Variants in PTPRT observed in about 807,000 individuals in gnomAD.
PTPRT encodes the protein receptor-type tyrosine-protein phosphatase T.
PTPRT carries 56 observed loss-of-function variants against 176.8 expected under a neutral mutation model. The ratio of observed to expected loss-of-function variants is 0.32; its 90% CI spans 0.26 to 0.40. PTPRT has a LOEUF of 0.40. Ranked by LOEUF, PTPRT falls within the 10% of genes least tolerant of loss-of-function variation. The pLI is 1.00. For missense variants in PTPRT, 1,540 were observed against 1,908.2 expected, an observed-to-expected ratio of 0.81 and a Z score of 3.60; for synonymous variants, 783 against 739.0, an observed-to-expected ratio of 1.06 and a Z score of -0.96.
At chr20:42,964,617 C>A (rs1261412579) in intron 1 of PTPRT, among the ~76,000 whole-genome samples, 1 of 152,094 alleles carries the variant, frequency 6.6e-6, no homozygotes, top group African/African-American at 2.4e-5. Context: ...ATAAGGAAGT[C>A]ATGACTAATA....
chr20:43,134,391 A>G (rs1568804910), intron 1 of PTPRT, among the ~76,000 whole-genome samples: 1 of 152,082 alleles, frequency 6.6e-6, no homozygotes, highest in Non-Finnish European at 1.5e-5. Flanking sequence ...TTGCTCTCTG[A>G]TCTCCCTCAC....
At chr20:42,441,113 C>T (rs1024705957) in intron 9 of PTPRT, among the ~76,000 whole-genome samples, 10 of 152,212 alleles carry the variant, frequency 6.6e-5, no homozygotes, top group African/African-American at 2.4e-4. Context: ...TTCACCAATA[C>T]AGGACCCATA....
At chr20:42,953,664 C>T (rs1292630802) in intron 1 of PTPRT, among the ~76,000 whole-genome samples, 1 of 152,170 alleles carries the variant, frequency 6.6e-6, no homozygotes, top group Non-Finnish European at 1.5e-5. Flanking sequence ...AGCTGCCCAG[C>T]CCGTGGAGAA....
intron 7 of PTPRT, among the ~76,000 whole-genome samples, chr20:42,607,177 A>T (rs13038923): frequency 7.4e-6 from 1 of 135,374 alleles, no homozygotes; most frequent in Non-Finnish European, 1.8e-5. Flanking sequence ...GGTGGCTACC[A>T]GGGGGTGGGA....
intron 6 of PTPRT, among the ~76,000 whole-genome samples, chr20:42,697,355 C>G (rs2075897514): frequency 6.6e-6 from 1 of 152,282 alleles, no homozygotes; most frequent in South Asian, 2.1e-4. Context: ...TTTGGTTAAC[C>G]CAGTGTTTTA....
At chr20:42,319,777 A>T (rs2057773737) in intron 11 of PTPRT, among the ~76,000 whole-genome samples, 1 of 152,218 alleles carries the variant, frequency 6.6e-6, no homozygotes, top group Admixed American at 6.5e-5. Context: ...TCTTGAGAAT[A>T]CATTTATCTA....
chr20:42,160,393 A>G (rs1989538568), intron 17 of PTPRT, among the ~76,000 whole-genome samples: 1 of 152,054 alleles, frequency 6.6e-6, no homozygotes. Flanking sequence ...TTTTCCTTTT[A>G]TTTTATTTTG....
At chr20:43,187,242 A>G (rs2015415615) in intron 1 of PTPRT, among the ~76,000 whole-genome samples, 1 of 152,246 alleles carries the variant, frequency 6.6e-6, no homozygotes, top group Non-Finnish European at 1.5e-5. Flanking sequence ...GGGAATTTTC[A>G]GATCAAAAGA....
chr20:42,096,901 C>T (rs1985316882), intron 27 of PTPRT, among the ~76,000 whole-genome samples: 1 of 151,824 alleles, frequency 6.6e-6, no homozygotes, highest in African/African-American at 2.4e-5. Flanking sequence ...CTAACAGGAA[C>T]CCTGGCTGTG....
At chr20:43,025,550 A>G (rs1985876041) in intron 1 of PTPRT, among the ~76,000 whole-genome samples, 1 of 152,228 alleles carries the variant, frequency 6.6e-6, no homozygotes. Context: ...GGAAAAAATC[A>G]TCACTCAGGG....
At chr20:42,760,318 G>T (rs4812644) in intron 5 of PTPRT, among the ~76,000 whole-genome samples, 81,109 of 151,088 alleles carry the variant, frequency 0.54, 22,864 homozygotes, top group South Asian at 0.67. Context: ...TTATACGTTG[G>T]GTTTCCTGAA....
In PTPRT at chr20:42,746,348, A is replaced by G. The variant is rs61525757; in HGVS notation, c.859+10114T>C. On this transcript the variant is annotated intron_variant, in intron 6 of 30. Transcript: ENST00000373187. ...AAAAAGCTAATGGTGACGTTATCAA[A>G]GAGTGAAGGAGTCAGAGGCTAAGGG... 7.4e-3 allele frequency among the ~76,000 whole-genome samples: 1,129 copies of G among 152,334 alleles called. 16 individuals carry two copies. The highest frequency in any genetic ancestry group is 0.026 in the African/African-American group (1,085 of 41,578).
chr20:42,249,984 C>A (rs529442932), intron 13 of PTPRT, among the ~76,000 whole-genome samples: 1 of 152,300 alleles, frequency 6.6e-6, no homozygotes, highest in South Asian at 2.1e-4. Context: ...CTTCCTAACT[C>A]ATTCCTTCTT....
intron 7 of PTPRT, among the ~76,000 whole-genome samples, chr20:42,589,462 T>C (rs1008634026): frequency 2.6e-5 from 4 of 152,218 alleles, no homozygotes; most frequent in African/African-American, 7.2e-5. Flanking sequence ...AAATCCCACA[T>C]TTCAGCAGAA....
At chr20:42,353,896 G>A (rs550838813) in intron 9 of PTPRT, among the ~76,000 whole-genome samples, 10 of 152,116 alleles carry the variant, frequency 6.6e-5, no homozygotes, top group African/African-American at 1.9e-4. Flanking sequence ...TATCTACAAA[G>A]TATTAAAAAA....
chr20:42,793,996 C>G (rs908540979), intron 2 of PTPRT, among the ~76,000 whole-genome samples: 1 of 152,160 alleles, frequency 6.6e-6, no homozygotes, highest in African/African-American at 2.4e-5. Context: ...ACGCCACGGG[C>G]TCATGTACCC....
At chr20:43,071,769 G>A (rs780642834) in intron 1 of PTPRT, among the ~76,000 whole-genome samples, 6 of 152,202 alleles carry the variant, frequency 3.9e-5, no homozygotes, top group Non-Finnish European at 5.9e-5. Context: ...TGGGCAACAA[G>A]AGCAAAACTC....
At chr20:42,407,806 C>A (rs2058975915) in intron 9 of PTPRT, among the ~76,000 whole-genome samples, 1 of 151,944 alleles carries the variant, frequency 6.6e-6, no homozygotes, top group East Asian at 1.9e-4. Flanking sequence ...TATCCAGGAG[C>A]TGATAATTTG....
intron 7 of PTPRT, among the ~76,000 whole-genome samples, chr20:42,512,077 TC>T (rs1295282450): frequency 6.6e-6 from 1 of 152,160 alleles, no homozygotes; most frequent in African/African-American, 2.4e-5. Flanking sequence ...GATGCAACCT[TC>T]TAAAGATATT....
Sources: allele counts gnomAD v4.1 joint callset (sites outside exome capture counted in the v4.1 genomes callset), GRCh38; gene constraint gnomAD v4.1.1; transcripts MANE v1.5; gene names NCBI Gene and HGNC (gene_info 2026-07-23, HGNC 2026-07-21).